RPRD2: variants seen among roughly 807,000 people sequenced by gnomAD.
RPRD2 encodes the protein regulation of nuclear pre-mRNA domain-containing protein 2.
In RPRD2, 12 loss-of-function variants were observed where a neutral mutation model predicts 104.4. The ratio of observed to expected loss-of-function variants is 0.11; its 90% CI spans 0.07 to 0.19. RPRD2 has a LOEUF of 0.19. RPRD2 is among the 10% of genes least tolerant of loss of function. RPRD2 has a pLI of 1.00. For synonymous variants in RPRD2, 714 were observed against 684.9 expected (o/e 1.04, Z -0.66); for missense variants, 1,543 against 1,790.1 (o/e 0.86, Z 2.49).
At chr1:150,463,408 C>T (rs1303168896) in intron 9 of RPRD2, among the ~76,000 whole-genome samples, 1 of 152,124 alleles carries the variant, frequency 6.6e-6, no homozygotes, top group Non-Finnish European at 1.5e-5. Context: ...TTTTATATGA[C>T]TAATATATGA....
At chr1:150,371,611 C>T (rs1250405835) in intron 1 of RPRD2, among the ~76,000 whole-genome samples, 4 of 152,126 alleles carry the variant, frequency 2.6e-5, no homozygotes, top group South Asian at 2.1e-4. Context: ...CCTTGTGATC[C>T]GCCCGTCTTG....
intron 8 of RPRD2, among the ~76,000 whole-genome samples, chr1:150,459,795 TG>T (rs1667801438): frequency 6.6e-6 from 1 of 152,104 alleles, no homozygotes; most frequent in Non-Finnish European, 1.5e-5. Flanking sequence ...GATTTCACCA[TG>T]TTGACCAGGC....
chr1:150,450,862 C>T (rs587758354), intron 7 of RPRD2, among the ~76,000 whole-genome samples: 1 of 152,060 alleles, frequency 6.6e-6, no homozygotes, highest in South Asian at 2.1e-4. Flanking sequence ...CCACCTGCCT[C>T]GGCCTCTTAA....
chr1:150,435,427 T>C (rs1665926133), intron 2 of RPRD2, among the ~76,000 whole-genome samples: 1 of 152,146 alleles, frequency 6.6e-6, no homozygotes, highest in Admixed American at 6.6e-5. Flanking sequence ...GGCTGAAAGC[T>C]AGGCCTCTTG....
intron 8 of RPRD2, among the ~76,000 whole-genome samples, chr1:150,459,523 C>T (rs1553898306): frequency 6.6e-6 from 1 of 151,330 alleles, no homozygotes; most frequent in African/African-American, 2.4e-5. Flanking sequence ...AGATTTAATA[C>T]ACAAATACTA....
In RPRD2 at chr1:150,457,337, A is replaced by G; in HGVS notation, c.920A>G (p.Asp307Gly). 1 of 1,608,232 alleles carries G rather than the reference A, an allele frequency of 6.2e-7. No individual in the cohort carries two copies. The change falls in exon 8 of 11, where the codon GAT becomes GGT. Residue 307 changes from aspartate to glycine, a missense_variant. Coordinates refer to ENST00000369068, the MANE Select transcript of RPRD2 (RefSeq NM_015203.5). ...NRVNNLKKKL[D>G]QLKSTLPDPE... is the part of the protein sequence containing the mutation. ...GTAAACAATTTAAAGAAGAAGTTGGATCAATTGAAGTCAACCCTTCCAGAT... is the reference window on the plus strand; with the variant it reads ...GTAAACAATTTAAAGAAGAAGTTGGGTCAATTGAAGTCAACCCTTCCAGAT...
chr1:150,368,796 CAG>C (rs1380911648), intron 1 of RPRD2, among the ~76,000 whole-genome samples: 10 of 152,070 alleles, frequency 6.6e-5, no homozygotes, highest in African/African-American at 2.4e-4. Context: ...TTTGTAGAGA[CAG>C]GGTTTCACCA....
rs782331036 is a variant in RPRD2, at chr1:150,457,341, A to G, written c.924A>G (p.Gln308=). ...RVNNLKKKLD[Q]LKSTLPDPEE... is the part of the protein sequence containing the mutation. ...ACAATTTAAAGAAGAAGTTGGATCA[A>G]TTGAAGTCAACCCTTCCAGATCCTG... Residue 308 remains glutamine, a synonymous_variant, in exon 8 of 11, where the codon CAA becomes CAG. Coordinates refer to ENST00000369068, the MANE Select transcript of RPRD2 (RefSeq NM_015203.5). 7.5e-6 allele frequency: 12 copies of G among 1,607,400 alleles called. No individual in the cohort carries two copies. The highest frequency in any genetic ancestry group is 1.1e-5 in the South Asian group (1 of 90,962).
chr1:150,394,998 TA>T (rs782041739), intron 1 of RPRD2, among the ~76,000 whole-genome samples: 9 of 152,234 alleles, frequency 5.9e-5, no homozygotes, highest in Non-Finnish European at 1.0e-4. Context: ...TTCTTTTTTT[TA>T]AATTAAATTT....
chr1:150,425,007 C>G (rs1332679264), intron 2 of RPRD2, among the ~76,000 whole-genome samples: 2 of 152,122 alleles, frequency 1.3e-5, no homozygotes, highest in Non-Finnish European at 2.9e-5. Flanking sequence ...TCTAGAGATA[C>G]AATGGTTTAA....
intron 7 of RPRD2, among the ~76,000 whole-genome samples, chr1:150,446,956 C>T (rs1666822394): frequency 6.6e-6 from 1 of 151,316 alleles, no homozygotes; most frequent in Admixed American, 6.6e-5. Flanking sequence ...CTGCCTTAGC[C>T]CCGCTGAGTA....
intron 1 of RPRD2, among the ~76,000 whole-genome samples, chr1:150,384,681 G>GTT (rs1491585800): frequency 7.4e-6 from 1 of 135,294 alleles, no homozygotes. Flanking sequence ...GTGTGTGTGT[G>GTT]TTTTTAGTAG....
At chr1:150,404,737 T>A (rs782717477) in intron 1 of RPRD2, among the ~76,000 whole-genome samples, 3 of 152,210 alleles carry the variant, frequency 2.0e-5, no homozygotes, top group Non-Finnish European at 4.4e-5. Flanking sequence ...CTTGAGTAGC[T>A]GGGATTACAG....
chr1:150,472,201 A>G lies in RPRD2; in HGVS notation c.3253A>G (p.Ile1085Val). ...TAGCACAGAAGAAAAGGGGGCCCCT[A>G]TAGAAACCTTGGGTTATCACAGTGC... is the stretch of plus-strand genomic sequence containing the variant. ...PDSTEEKGAP[I>V]ETLGYHSASN... Residue 1085 changes from isoleucine (I) to valine (V), a missense_variant, in exon 11 of 11, where the codon ATA becomes GTA. Coordinates refer to ENST00000369068, the MANE Select transcript of RPRD2 (RefSeq NM_015203.5). 1.2e-6 allele frequency: 2 copies of G among 1,613,928 alleles called. No homozygotes were observed. The highest frequency in any genetic ancestry group is 1.3e-5 in the African/African-American group (1 of 75,044).
chr1:150,434,999 C>G (rs1665900326), intron 2 of RPRD2, among the ~76,000 whole-genome samples: 1 of 152,042 alleles, frequency 6.6e-6, no homozygotes, highest in South Asian at 2.1e-4. Flanking sequence ...TTTGTAGCAA[C>G]CCTGTGCCTA....
At chr1:150,391,272 G>A (rs1175984712) in intron 1 of RPRD2, among the ~76,000 whole-genome samples, 1 of 151,966 alleles carries the variant, frequency 6.6e-6, no homozygotes, top group African/African-American at 2.4e-5. Context: ...AAAGACAAAA[G>A]CTAGAAACCA....
At chr1:150,418,533 T>G (rs1201325462) in intron 2 of RPRD2, among the ~76,000 whole-genome samples, 3 of 152,206 alleles carry the variant, frequency 2.0e-5, no homozygotes, top group Non-Finnish European at 4.4e-5. Flanking sequence ...AATTTCATTT[T>G]TAGCGGTAGT....
At chr1:150,378,672 T>G (rs1486670500) in intron 1 of RPRD2, among the ~76,000 whole-genome samples, 1 of 152,166 alleles carries the variant, frequency 6.6e-6, no homozygotes, top group East Asian at 1.9e-4. Context: ...AATATAGTTA[T>G]TTTTAATTAA....
At chr1:150,396,591 A>C (rs1662549327) in intron 1 of RPRD2, among the ~76,000 whole-genome samples, 1 of 152,198 alleles carries the variant, frequency 6.6e-6, no homozygotes, top group South Asian at 2.1e-4. Flanking sequence ...CAATTATCCC[A>C]GCATCATTTG....
Sources: gnomAD v4.1 joint callset for allele counts (sites outside exome capture counted in the v4.1 genomes callset) on GRCh38, gnomAD v4.1.1 for gene constraint, MANE v1.5 for transcripts, NCBI Gene and HGNC (gene_info 2026-07-23, HGNC 2026-07-21) for gene names.